Variants in SEMA6D observed in about 807,000 individuals in gnomAD.
The protein encoded by SEMA6D is semaphorin 6D.
SEMA6D carries 35 observed loss-of-function variants against 106.6 expected under a neutral mutation model. That is an observed-to-expected ratio of 0.33 (90% confidence interval 0.25 to 0.44). The LOEUF (loss-of-function observed/expected upper bound fraction) is 0.44, where lower values mean the gene tolerates loss of function less well. Ranked by LOEUF, SEMA6D falls within the 20% of genes least tolerant of loss-of-function variation. SEMA6D has a pLI of 1.00. For synonymous variants in SEMA6D, 499 were observed against 487.7 expected (o/e 1.02, Z -0.31); for missense variants, 1,185 against 1,345.9 (o/e 0.88, Z 1.87).
intron 1 of SEMA6D, among the ~76,000 whole-genome samples, chr15:47,229,274 A>G (rs532557966): frequency 1.3e-5 from 2 of 151,810 alleles, no homozygotes; most frequent in African/African-American, 2.4e-5. Context: ...CTAAAGATCT[A>G]TTTGTTTTCT....
Position 47,766,601 on chromosome 15 carries a change from T to C in SEMA6D, c.1647-15T>C. The C allele has an allele frequency of 6.2e-7, 1 of 1,612,644 alleles. No individual in the cohort carries two copies. The highest frequency in any genetic ancestry group is 8.5e-7 in the Non-Finnish European group (1 of 1,179,078). ...GGCTGTTAACCGAAGACTTCTTTGC[T>C]TTCCATAACCACAGTGCTGAAGGAT... On this transcript the variant is annotated splice_polypyrimidine_tract_variant and intron_variant, in intron 15 of 18. Transcript: ENST00000536845.
At chr15:47,519,604 A>G (rs1213762589) in intron 3 of SEMA6D, among the ~76,000 whole-genome samples, 2 of 152,192 alleles carry the variant, frequency 1.3e-5, no homozygotes, top group South Asian at 2.1e-4. Context: ...TCAAAGTGCC[A>G]TTTACAAAAC....
chr15:47,356,895 T>A (rs1015258206), intron 1 of SEMA6D, among the ~76,000 whole-genome samples: 1 of 152,208 alleles, frequency 6.6e-6, no homozygotes, highest in African/African-American at 2.4e-5. Flanking sequence ...CCATTTAATT[T>A]TATTTTATGC....
intron 3 of SEMA6D, among the ~76,000 whole-genome samples, chr15:47,598,433 T>C (rs1425112115): frequency 6.6e-6 from 1 of 152,184 alleles, no homozygotes; most frequent in Admixed American, 6.5e-5. Context: ...TGATTAATTG[T>C]ATTTACTTAC....
chr15:47,247,589 G>A (rs540063491), intron 1 of SEMA6D, among the ~76,000 whole-genome samples: 10 of 152,226 alleles, frequency 6.6e-5, no homozygotes, highest in Middle Eastern at 3.4e-3. Context: ...TATAATAGTC[G>A]TCACTGATAA....
chr15:47,259,168 T>G (rs2033949787), intron 1 of SEMA6D, among the ~76,000 whole-genome samples: 1 of 152,190 alleles, frequency 6.6e-6, no homozygotes, highest in South Asian at 2.1e-4. Context: ...GTTATAACCT[T>G]TATTTCAGTC....
intron 4 of SEMA6D, among the ~76,000 whole-genome samples, chr15:47,650,579 G>A (rs1234833610): frequency 1.3e-5 from 2 of 152,170 alleles, no homozygotes; most frequent in African/African-American, 4.8e-5. Flanking sequence ...ATAGTGATTG[G>A]CAGCACAGGA....
At chr15:47,207,991 GCGCACACACA>G (rs745535299) in intron 1 of SEMA6D, among the ~76,000 whole-genome samples, 17,215 of 122,858 alleles carry the variant, frequency 0.14, 1,656 homozygotes, top group East Asian at 0.17. Context: ...ACTGGCGCGC[GCGCACACACA>G]CACACACACA....
At chr15:47,680,400 C>T (rs2078329464) in intron 4 of SEMA6D, among the ~76,000 whole-genome samples, 2 of 152,142 alleles carry the variant, frequency 1.3e-5, no homozygotes. Context: ...ATGAATCCTG[C>T]TCTGAGCCAA....
At chr15:47,717,801 GGT>G in intron 1 of SEMA6D, 109 bp downstream of exon 1, 2 of 146,168 alleles carry the variant, frequency 1.4e-5, no homozygotes, top group African/African-American at 5.5e-5. Flanking sequence ...GTGTGCGCGC[GGT>G]GGGGGTCGGA....
chr15:47,633,804 C>T (rs1194851807), intron 4 of SEMA6D, among the ~76,000 whole-genome samples: 2 of 152,108 alleles, frequency 1.3e-5, no homozygotes, highest in African/African-American at 4.8e-5. Flanking sequence ...CAAAGGTCCC[C>T]ATTAATTTTT....
chr15:47,286,965 C>G (rs113880788), intron 1 of SEMA6D, among the ~76,000 whole-genome samples: 3 of 152,280 alleles, frequency 2.0e-5, no homozygotes, highest in Non-Finnish European at 4.4e-5. Context: ...GAAGACATTT[C>G]TAGTGTTCTC....
intron 1 of SEMA6D, among the ~76,000 whole-genome samples, chr15:47,742,999 C>G (rs938042036): frequency 6.6e-6 from 1 of 152,148 alleles, no homozygotes; most frequent in Non-Finnish European, 1.5e-5. Context: ...GTTTGCATGT[C>G]TAAAGAAAGC....
chr15:47,530,480 T>C (rs1169295356), intron 3 of SEMA6D, among the ~76,000 whole-genome samples: 2 of 152,230 alleles, frequency 1.3e-5, no homozygotes, highest in East Asian at 3.8e-4. Context: ...ATAAAATATA[T>C]ACGTAAACTC....
chr15:47,448,487 G>A (rs1172915339), intron 2 of SEMA6D, among the ~76,000 whole-genome samples: 1 of 152,092 alleles, frequency 6.6e-6, no homozygotes. Context: ...GAGGAATAAT[G>A]CCTGATCCAT....
At chr15:47,395,855 AG>A (rs1446852234) in intron 1 of SEMA6D, among the ~76,000 whole-genome samples, 1 of 152,218 alleles carries the variant, frequency 6.6e-6, no homozygotes, top group Non-Finnish European at 1.5e-5. Context: ...ATACAGGATC[AG>A]CTACTCAATA....
chr15:47,333,171 C>T (rs583095), intron 1 of SEMA6D, among the ~76,000 whole-genome samples: 50,616 of 151,878 alleles, frequency 0.33, 9,851 homozygotes, highest in East Asian at 0.55. Context: ...TTAAATTTCA[C>T]GATTTAAAAT....
At chr15:47,221,294 C>T (rs932490503) in intron 1 of SEMA6D, among the ~76,000 whole-genome samples, 2 of 152,338 alleles carry the variant, frequency 1.3e-5, no homozygotes, top group African/African-American at 2.4e-5. Context: ...AGGCCCTCCC[C>T]ATGGCTCCAG....
chr15:47,184,214 T>A (rs1031751940), exon 1 of SEMA6D: 1 of 152,850 alleles, frequency 6.5e-6, no homozygotes, highest in African/African-American at 2.4e-5. Context: ...CCACCAGGAC[T>A]AGGAGGCAGC....
Sources: gnomAD v4.1 joint callset for allele counts (sites outside exome capture counted in the v4.1 genomes callset) on GRCh38, gnomAD v4.1.1 for gene constraint, MANE v1.5 for transcripts, NCBI Gene and HGNC (gene_info 2026-07-23, HGNC 2026-07-21) for gene names.